Variants in CACNG5 observed in about 807,000 individuals in gnomAD.
CACNG5 encodes voltage-dependent calcium channel gamma-5 subunit.
A neutral mutation model predicts 24.8 loss-of-function variants in CACNG5; 18 were observed. That is an observed-to-expected ratio of 0.73 (90% confidence interval 0.50 to 1.08). The LOEUF is 1.08. Among genes scored for constraint, CACNG5 ranks in the 50% least tolerant of loss-of-function variants. The pLI, the probability that CACNG5 is intolerant of heterozygous loss-of-function variation, is 0.00. For missense variants in CACNG5, 349 were observed against 367.9 expected (o/e 0.95, Z 0.42); for synonymous variants, 157 against 149.1 (o/e 1.05, Z -0.39).
chr17:66,848,158 T>C (rs925139549), intron 1 of CACNG5, among the ~76,000 whole-genome samples: 1 of 152,200 alleles, frequency 6.6e-6, no homozygotes, highest in African/African-American at 2.4e-5. Flanking sequence ...TGATCTTTTT[T>C]CTGAATCTGA....
intron 1 of CACNG5, among the ~76,000 whole-genome samples, chr17:66,864,859 T>A (rs924676431): frequency 1.3e-5 from 2 of 152,182 alleles, no homozygotes; most frequent in Non-Finnish European, 2.9e-5. Flanking sequence ...TAAAGAAGAG[T>A]TGATATTTTT....
At chr17:66,850,444 G>A (rs1736679088) in intron 1 of CACNG5, among the ~76,000 whole-genome samples, 1 of 152,136 alleles carries the variant, frequency 6.6e-6, no homozygotes, top group South Asian at 2.1e-4. Context: ...AAGAAGCAGA[G>A]AAAGCCATCC....
chr17:66,857,686 G>C (rs1306300257), intron 1 of CACNG5, among the ~76,000 whole-genome samples: 1 of 152,128 alleles, frequency 6.6e-6, no homozygotes, highest in Non-Finnish European at 1.5e-5. Flanking sequence ...CGCCATATTG[G>C]GAAGCTCCGC....
At chr17:66,871,821 C>T (rs1568069616) in intron 1 of CACNG5, among the ~76,000 whole-genome samples, 1 of 152,124 alleles carries the variant, frequency 6.6e-6, no homozygotes, top group Non-Finnish European at 1.5e-5. Flanking sequence ...GATCGCACCA[C>T]GGCATTCCAG....
intron 1 of CACNG5, among the ~76,000 whole-genome samples, chr17:66,848,868 C>T (rs1246710091): frequency 6.6e-6 from 1 of 152,136 alleles, no homozygotes; most frequent in African/African-American, 2.4e-5. Context: ...TCCTTGGCTC[C>T]TTCGAGTAAG....
chr17:66,853,326 C>A (rs1407061394), intron 1 of CACNG5, among the ~76,000 whole-genome samples: 1 of 152,184 alleles, frequency 6.6e-6, no homozygotes, highest in Non-Finnish European at 1.5e-5. Context: ...AGTCTTTATG[C>A]AACCACAAGT....
In CACNG5 at chr17:66,894,025, A is replaced by T. The variant is rs1170189652; in HGVS notation, c.*8785A>T. Among the ~76,000 whole-genome samples the T allele has an allele frequency of 6.6e-6, 1 of 152,120 alleles. No individual in the cohort carries two copies. Among genetic ancestry groups the T allele is most frequent in the Non-Finnish European group, 1.5e-5 (1 of 68,030 alleles). On this transcript the variant is annotated 3_prime_UTR_variant, in exon 6 of 6. Transcript: ENST00000533854. ...GGATGGCAGTGGCTGCCAGGCTAGA[A>T]ATCCAAAGTCCAGCGGTGTAGGTGC...
chr17:66,880,414 T>A (rs1598062545), intron 3 of CACNG5, 143 bp from the exon 4 acceptor site: 1 of 904,480 alleles, frequency 1.1e-6, no homozygotes, highest in East Asian at 2.6e-5. Flanking sequence ...GGCCACCTGA[T>A]GGGGGTAGAG....
intron 1 of CACNG5, among the ~76,000 whole-genome samples, chr17:66,840,218 C>T (rs1400215911): frequency 1.3e-5 from 2 of 152,202 alleles, no homozygotes; most frequent in Non-Finnish European, 2.9e-5. Flanking sequence ...CCTCCCAATC[C>T]GCCCAGCCAC....
At chr17:66,870,942 T>C (rs1270702565) in intron 1 of CACNG5, among the ~76,000 whole-genome samples, 2 of 151,544 alleles carry the variant, frequency 1.3e-5, no homozygotes, top group East Asian at 3.9e-4. Flanking sequence ...ATCATGCCAT[T>C]GCACCTCCAG....
rs1976719511 is a variant in CACNG5 at position 66,852,482 on chromosome 17, GC to G, written c.-104+17235del. Reference sequence around the variant, plus strand: ...AAAATATACCCACAAAAAGAAACAGGCCCACATGGTTTTACTTGGCAAGTTT... The same window carrying G: ...AAAATATACCCACAAAAAGAAACAGGCCACATGGTTTTACTTGGCAAGTTT... On this transcript the variant is annotated intron_variant, in intron 1 of 5. Coordinates refer to ENST00000533854, the MANE Select transcript of CACNG5 (RefSeq NM_145811.3). Among the ~76,000 whole-genome samples the G allele has an allele frequency of 2.0e-5, 3 of 152,110 alleles. No individual in the cohort carries two copies. In the South Asian group the frequency reaches 6.2e-4, roughly 32 times the overall value.
At chr17:66,858,486 C>G (rs770204915) in intron 1 of CACNG5, among the ~76,000 whole-genome samples, 3 of 152,174 alleles carry the variant, frequency 2.0e-5, no homozygotes, top group Admixed American at 2.0e-4. Flanking sequence ...GGGCCTCCCC[C>G]ACCCGCCACG....
intron 1 of CACNG5, among the ~76,000 whole-genome samples, chr17:66,850,553 A>T (rs1976699429): frequency 6.6e-6 from 1 of 151,522 alleles, no homozygotes; most frequent in African/African-American, 2.4e-5. Flanking sequence ...TCTTTTATTG[A>T]TTTTTAAAAT....
At chr17:66,865,004 C>T (rs1202069553) in intron 1 of CACNG5, among the ~76,000 whole-genome samples, 1 of 152,182 alleles carries the variant, frequency 6.6e-6, no homozygotes, top group Non-Finnish European at 1.5e-5. Flanking sequence ...TCAAGCCATC[C>T]TGCTGCCTCA....
In CACNG5 at chr17:66,891,505, T is replaced by A. The variant is rs1418112975; in HGVS notation, c.*6265T>A. Among the ~76,000 whole-genome samples, 1 of 152,160 alleles carries A rather than the reference T, an allele frequency of 6.6e-6. No individual in the cohort carries two copies. The highest frequency in any genetic ancestry group is 2.4e-5 in the African/African-American group (1 of 41,442). ...CATCCACTGAGACTTCAGCTAAGGT[T>A]GTCACTAGAACATCTTTGCACACGG... On this transcript the variant is annotated 3_prime_UTR_variant, in exon 6 of 6. Transcript: ENST00000533854.
intron 4 of CACNG5, among the ~76,000 whole-genome samples, chr17:66,882,937 TTCCATCCATCCATCCATCCA>T (rs113055446): frequency 3.3e-5 from 5 of 150,518 alleles, no homozygotes; most frequent in East Asian, 2.0e-4. Flanking sequence ...TTCTTTCTCC[TTCCATCCATCCATCCATCCA>T]TCCATCCATC....
chr17:66,853,548 C>T (rs74646456), intron 1 of CACNG5, among the ~76,000 whole-genome samples: 4,875 of 152,156 alleles, frequency 0.032, 110 homozygotes, highest in Middle Eastern at 0.075. Flanking sequence ...CTAGTATGTG[C>T]GTAATGGTAT....
chr17:66,881,703 G>A (rs1654589574), intron 4 of CACNG5, among the ~76,000 whole-genome samples: 2 of 152,130 alleles, frequency 1.3e-5, no homozygotes, highest in South Asian at 4.1e-4. Flanking sequence ...ACTGCAAGGG[G>A]GCCAAGACCA....
Position 66,877,271 on chromosome 17 carries a change from C to T in CACNG5, c.-62C>T, listed in dbSNP as rs867166131. The stretch of plus-strand genomic sequence containing the variant: ...ACCTGCTCACCCACTCTCCCTAGCC[C>T]CAGAGCGCAGTCCGTGCTGGTGGGA... On this transcript the variant is annotated 5_prime_UTR_variant, in exon 2 of 6. Coordinates refer to ENST00000533854, the MANE Select transcript of CACNG5 (RefSeq NM_145811.3). The T allele has an allele frequency of 1.4e-6, 2 of 1,455,030 alleles. No homozygotes were observed. Among genetic ancestry groups the T allele is most frequent in the Admixed American group, 1.7e-5 (1 of 57,426 alleles). The allele number at this position is 1,455,030 out of a possible 1,614,324, so 90.1% of individuals were successfully genotyped here. A position where few individuals can be genotyped will look rare whatever the true frequency, so the allele number is the denominator to read the frequency against.
Sources: gnomAD v4.1 joint callset for allele counts (sites outside exome capture counted in the v4.1 genomes callset) on GRCh38, gnomAD v4.1.1 for gene constraint, MANE v1.5 for transcripts, NCBI Gene and HGNC (gene_info 2026-07-23, HGNC 2026-07-21) for gene names.